Variants in PTTG1IP2 observed in about 807,000 individuals in gnomAD.
PTTG1IP2 encodes PTTG1IP family member 2.
At chr7:90,509,649 T>C (rs1483822483) in intron 6 of PTTG1IP2, among the ~76,000 whole-genome samples, 1 of 152,102 alleles carries the variant, frequency 6.6e-6, no homozygotes, top group Non-Finnish European at 1.5e-5. Flanking sequence ...TTTACAAACA[T>C]GAAGCCAGGG....
intron 1 of PTTG1IP2, among the ~76,000 whole-genome samples, chr7:90,472,135 G>T (rs553763752): frequency 6.6e-5 from 10 of 152,060 alleles, no homozygotes; most frequent in Non-Finnish European, 1.5e-4. Flanking sequence ...TGGTAAGGTG[G>T]TTAGGATCTC....
At chr7:90,485,923 T>A (rs1273572653) in intron 2 of PTTG1IP2, among the ~76,000 whole-genome samples, 3 of 152,214 alleles carry the variant, frequency 2.0e-5, no homozygotes, top group Non-Finnish European at 4.4e-5. Flanking sequence ...TGGGCTGTAA[T>A]CTTTGAATCT....
At chr7:90,476,113 A>T (rs1203656975) in intron 1 of PTTG1IP2, among the ~76,000 whole-genome samples, 2 of 25,436 alleles carry the variant, frequency 7.9e-5, no homozygotes, top group East Asian at 8.7e-3. Context: ...ACATCTGAAA[A>T]AAATACTCAA....
At chr7:90,496,145 G>A (rs968087087) in intron 6 of PTTG1IP2, among the ~76,000 whole-genome samples, 8 of 152,194 alleles carry the variant, frequency 5.3e-5, no homozygotes, top group African/African-American at 1.7e-4. Context: ...TCTGGCTTGG[G>A]TTTCAGGATA....
At chr7:90,494,713 G>A (rs1797973881) in intron 6 of PTTG1IP2, among the ~76,000 whole-genome samples, 1 of 152,102 alleles carries the variant, frequency 6.6e-6, no homozygotes, top group Non-Finnish European at 1.5e-5. Flanking sequence ...GAGATTCCAT[G>A]TCTACAAAAA....
At chr7:90,485,041 G>T (rs1023988501) in intron 2 of PTTG1IP2, among the ~76,000 whole-genome samples, 1 of 152,078 alleles carries the variant, frequency 6.6e-6, no homozygotes, top group Non-Finnish European at 1.5e-5. Context: ...CTACTGCCTG[G>T]GTCAAAAGAC....
chr7:90,480,992 A>G (rs952712916), intron 2 of PTTG1IP2, among the ~76,000 whole-genome samples: 1 of 152,174 alleles, frequency 6.6e-6, no homozygotes, highest in Non-Finnish European at 1.5e-5. Context: ...TTATAAACTG[A>G]TAATTAGATA....
chr7:90,509,034 G>T (rs966254790), intron 6 of PTTG1IP2, among the ~76,000 whole-genome samples: 1 of 151,778 alleles, frequency 6.6e-6, no homozygotes, highest in African/African-American at 2.4e-5. Context: ...GGGGAATCTT[G>T]AAATCTCCAC....
At chr7:90,480,272 C>T (rs177659) in intron 2 of PTTG1IP2, among the ~76,000 whole-genome samples, 6,089 of 152,224 alleles carry the variant, frequency 0.04, 181 homozygotes, top group Middle Eastern at 0.12. Context: ...AAGACAAGAA[C>T]ATCCTCCAGT....
At chr7:90,501,810 G>T (rs1430703256) in intron 6 of PTTG1IP2, among the ~76,000 whole-genome samples, 1 of 152,154 alleles carries the variant, frequency 6.6e-6, no homozygotes, top group East Asian at 1.9e-4. Flanking sequence ...GCTGAAGTTT[G>T]GGTTTGCTGT....
chr7:90,491,447 A>G (rs190215158), intron 4 of PTTG1IP2, among the ~76,000 whole-genome samples: 1 of 152,138 alleles, frequency 6.6e-6, no homozygotes, highest in East Asian at 1.9e-4. Context: ...ACATGGTGAA[A>G]CCCCATCTCT....
At chr7:90,490,411 G>C (rs1797924588) in intron 4 of PTTG1IP2, among the ~76,000 whole-genome samples, 2 of 146,402 alleles carry the variant, frequency 1.4e-5, no homozygotes, top group Non-Finnish European at 3.0e-5. Context: ...AAAAAGATAA[G>C]GTAAGTCACC....
chr7:90,506,973 T>A (rs555876057), intron 6 of PTTG1IP2, among the ~76,000 whole-genome samples: 2 of 152,316 alleles, frequency 1.3e-5, no homozygotes, highest in East Asian at 3.9e-4. Context: ...TCTGGTGAAA[T>A]TAACAATGAC....
chr7:90,490,978 G>A (rs1562986874), intron 4 of PTTG1IP2, among the ~76,000 whole-genome samples: 1 of 152,132 alleles, frequency 6.6e-6, no homozygotes, highest in African/African-American at 2.4e-5. Context: ...TTAATTCAAT[G>A]AGTGCTGTAT....
intron 6 of PTTG1IP2, among the ~76,000 whole-genome samples, chr7:90,504,851 G>A (rs530982279): frequency 2.0e-5 from 3 of 152,286 alleles, no homozygotes; most frequent in South Asian, 4.1e-4. Flanking sequence ...TCCTTTTCAT[G>A]ATTTATTAAT....
chr7:90,510,516 C>T (rs1250186166), intron 6 of PTTG1IP2, among the ~76,000 whole-genome samples: 1 of 152,044 alleles, frequency 6.6e-6, no homozygotes, highest in Non-Finnish European at 1.5e-5. Context: ...TGTGTGTGTG[C>T]ACGCACATGC....
At chr7:90,508,977 T>A (rs1480416832) in intron 6 of PTTG1IP2, among the ~76,000 whole-genome samples, 1 of 152,216 alleles carries the variant, frequency 6.6e-6, no homozygotes, top group African/African-American at 2.4e-5. Flanking sequence ...GAGGCTGAGC[T>A]TTCAATCATG....
intron 6 of PTTG1IP2, among the ~76,000 whole-genome samples, chr7:90,503,847 G>C (rs187530884): frequency 6.6e-6 from 1 of 152,146 alleles, no homozygotes. Context: ...ATGTGATAGA[G>C]ACACAGAGTG....
intron 6 of PTTG1IP2, among the ~76,000 whole-genome samples, chr7:90,497,920 A>G (rs967277038): frequency 6.6e-6 from 1 of 151,980 alleles, no homozygotes; most frequent in Admixed American, 6.6e-5. Context: ...GAAGTCCCCT[A>G]CTATTACTGC....
Sources: allele counts gnomAD v4.1 joint callset (sites outside exome capture counted in the v4.1 genomes callset), GRCh38; gene constraint gnomAD v4.1.1; transcripts MANE v1.5; gene names NCBI Gene and HGNC (gene_info 2026-07-23, HGNC 2026-07-21).